The following CSMD1 variants were observed in gnomAD, a reference collection of about 807,000 sequenced individuals.
CSMD1 encodes CUB and Sushi multiple domains 1.
Under a neutral mutation model 417.5 loss-of-function variants are expected in CSMD1, and 213 were observed. The ratio of observed to expected loss-of-function variants is 0.51; its 90% CI spans 0.46 to 0.57. The LOEUF is 0.57. CSMD1 is among the 20% of genes least tolerant of loss of function. The probability of loss-of-function intolerance (pLI) is 0.00; values close to 1 mark genes in which losing one functional copy is unlikely to be tolerated. For missense variants in CSMD1, 6,923 were observed against 4,529.7 expected (o/e 1.53, Z -15.17); for synonymous variants, 2,862 against 1,736.8 (o/e 1.65, Z -16.11).
chr8:4,063,948 C>A (rs1438342405), intron 3 of CSMD1, among the ~76,000 whole-genome samples: 1 of 152,194 alleles, frequency 6.6e-6, no homozygotes, highest in African/African-American at 2.4e-5. Flanking sequence ...TTCATTAAAT[C>A]ATAAAATATT....
chr8:3,691,514 C>G (rs571153420), intron 7 of CSMD1, among the ~76,000 whole-genome samples: 86 of 152,306 alleles, frequency 5.6e-4, no homozygotes, highest in Middle Eastern at 3.4e-3. Context: ...AGAAACTTGG[C>G]CTAGCCAAGG....
intron 5 of CSMD1, among the ~76,000 whole-genome samples, chr8:3,784,894 T>C (rs150197724): frequency 2.6e-5 from 4 of 152,364 alleles, no homozygotes; most frequent in Admixed American, 6.5e-5. Flanking sequence ...AATTGTACTT[T>C]ACAAACATCA....
At chr8:4,399,695 C>G (rs1424357083) in intron 3 of CSMD1, among the ~76,000 whole-genome samples, 1 of 151,980 alleles carries the variant, frequency 6.6e-6, no homozygotes, top group African/African-American at 2.4e-5. Flanking sequence ...ACAGAAACTC[C>G]TTTTGAAAAA....
chr8:4,424,869 T>A (rs920949319), intron 2 of CSMD1, among the ~76,000 whole-genome samples: 5 of 152,076 alleles, frequency 3.3e-5, no homozygotes, highest in African/African-American at 1.2e-4. Context: ...CTTTGTATAA[T>A]TTCTTTTAAC....
At chr8:4,150,560 C>G (rs970374284) in intron 3 of CSMD1, among the ~76,000 whole-genome samples, 15 of 152,160 alleles carry the variant, frequency 9.9e-5, no homozygotes, top group Non-Finnish European at 1.9e-4. Context: ...CATGACCCTG[C>G]TGAAGGATTC....
intron 10 of CSMD1, among the ~76,000 whole-genome samples, chr8:3,533,299 A>G (rs957709786): frequency 3.3e-5 from 5 of 152,118 alleles, no homozygotes; most frequent in Non-Finnish European, 5.9e-5. Context: ...CCAATATAAT[A>G]TAATTAACTA....
intron 5 of CSMD1, among the ~76,000 whole-genome samples, chr8:3,863,251 G>C (rs1804839308): frequency 1.3e-5 from 2 of 152,078 alleles, no homozygotes; most frequent in South Asian, 2.1e-4. Context: ...ACAAAAACTG[G>C]CTAGGTCTGG....
intron 5 of CSMD1, among the ~76,000 whole-genome samples, chr8:3,834,824 A>C (rs1802583327): frequency 6.6e-6 from 1 of 152,084 alleles, no homozygotes; most frequent in African/African-American, 2.4e-5. Context: ...CTCATCTGAC[A>C]AAGGGCTAAT....
intron 4 of CSMD1, among the ~76,000 whole-genome samples, chr8:4,018,403 G>C (rs1354024711): frequency 2.6e-5 from 4 of 152,234 alleles, no homozygotes; most frequent in South Asian, 2.1e-4. Flanking sequence ...TTCCTGCCTC[G>C]ATTCCTGTTC....
chr8:4,620,391 T>G (rs185082715), intron 2 of CSMD1, among the ~76,000 whole-genome samples: 1 of 151,726 alleles, frequency 6.6e-6, no homozygotes, highest in South Asian at 2.1e-4. Context: ...ATAAGGAATT[T>G]GAGTTTGAGA....
intron 2 of CSMD1, among the ~76,000 whole-genome samples, chr8:4,426,462 A>G (rs1341944093): frequency 6.7e-6 from 1 of 148,396 alleles, no homozygotes; most frequent in East Asian, 1.9e-4. Context: ...GTAAACATAC[A>G]GACTACAGTT....
chr8:4,236,039 GT>G (rs869245155), intron 3 of CSMD1, among the ~76,000 whole-genome samples: 1,637 of 31,478 alleles, frequency 0.052, 75 homozygotes, highest in African/African-American at 0.11. Flanking sequence ...TTTTTTGTTT[GT>G]TTTTTTTTTT....
At chr8:4,738,191 T>A (rs184289793) in intron 1 of CSMD1, among the ~76,000 whole-genome samples, 53 of 152,306 alleles carry the variant, frequency 3.5e-4, no homozygotes, top group African/African-American at 1.2e-3. Context: ...GACTTTCAAA[T>A]AGTCCGTTTT....
At chr8:3,191,501 T>C (rs922162) in intron 33 of CSMD1, among the ~76,000 whole-genome samples, 62,520 of 151,892 alleles carry the variant, frequency 0.41, 12,965 homozygotes, top group South Asian at 0.58. Flanking sequence ...AGTTCTCTCT[T>C]GATGAGACTT....
chr8:3,906,642 G>C (rs536210560), intron 5 of CSMD1, among the ~76,000 whole-genome samples: 3 of 144,394 alleles, frequency 2.1e-5, no homozygotes, highest in African/African-American at 5.2e-5. Context: ...TTTTTTTTCA[G>C]ATTTGCAAAG....
intron 3 of CSMD1, among the ~76,000 whole-genome samples, chr8:4,039,568 T>G (rs1184302401): frequency 1.3e-5 from 2 of 152,176 alleles, no homozygotes; most frequent in East Asian, 1.9e-4. Context: ...GAGGTGGCAG[T>G]CATTGAATGC....
chr8:4,360,615 G>C (rs144225655), intron 3 of CSMD1, among the ~76,000 whole-genome samples: 231 of 151,478 alleles, frequency 1.5e-3, no homozygotes, highest in African/African-American at 4.9e-3. Flanking sequence ...TCAGCCTCCA[G>C]AGTAGCTGAG....
intron 28 of CSMD1, among the ~76,000 whole-genome samples, chr8:3,220,750 G>A (rs938147803): frequency 2.0e-5 from 3 of 152,148 alleles, no homozygotes; most frequent in Non-Finnish European, 4.4e-5. Flanking sequence ...AGAATCGCTT[G>A]AACCCGGGAA....
intron 1 of CSMD1, among the ~76,000 whole-genome samples, chr8:4,812,470 A>C (rs572976017): frequency 8.5e-5 from 13 of 152,318 alleles, no homozygotes; most frequent in Admixed American, 7.2e-4. Flanking sequence ...ACACATAGAA[A>C]TAATACTTAA....
Sources: allele counts gnomAD v4.1 joint callset (sites outside exome capture counted in the v4.1 genomes callset), GRCh38; gene constraint gnomAD v4.1.1; transcripts MANE v1.5; gene names NCBI Gene and HGNC (gene_info 2026-07-23, HGNC 2026-07-21).